Variants in RABGAP1L observed in about 807,000 individuals in gnomAD.
The protein encoded by RABGAP1L is RAB GTPase activating protein 1 like, also known as rab GTPase-activating protein 1-like.
Under a neutral mutation model 137.7 loss-of-function variants are expected in RABGAP1L, and 63 were observed. The observed-to-expected ratio is 0.46, with a 90% CI of 0.37 to 0.56. The LOEUF (loss-of-function observed/expected upper bound fraction) is 0.56. RABGAP1L is among the 20% of genes least tolerant of loss of function. The probability of loss-of-function intolerance (pLI) is 0.00; values close to 1 mark genes in which losing one functional copy is unlikely to be tolerated. For synonymous variants in RABGAP1L, 431 were observed against 433.7 expected (o/e 0.99, Z 0.08); for missense variants, 1,095 against 1,244.0 (o/e 0.88, Z 1.80).
intron 11 of RABGAP1L, among the ~76,000 whole-genome samples, chr1:174,334,251 C>CT (rs1681283441): frequency 6.6e-6 from 1 of 152,156 alleles, no homozygotes; most frequent in African/African-American, 2.4e-5. Flanking sequence ...GGCTTTTAGG[C>CT]TCCAAGTATA....
chr1:174,523,721 A>G (rs1168101456), intron 13 of RABGAP1L, among the ~76,000 whole-genome samples: 2 of 152,156 alleles, frequency 1.3e-5, no homozygotes, highest in African/African-American at 4.8e-5. Flanking sequence ...ATCTAGTGTT[A>G]GAACTTATTT....
chr1:174,332,325 G>A (rs530167635), intron 11 of RABGAP1L, among the ~76,000 whole-genome samples: 1 of 152,034 alleles, frequency 6.6e-6, no homozygotes. Flanking sequence ...AGTTAGTTGA[G>A]GAAGGATTGG....
intron 1 of RABGAP1L, among the ~76,000 whole-genome samples, chr1:174,205,106 T>C (rs1373746219): frequency 1.3e-5 from 2 of 152,232 alleles, no homozygotes; most frequent in Non-Finnish European, 2.9e-5. Context: ...GTCACATTTA[T>C]TGATTTGTGT....
intron 10 of RABGAP1L, among the ~76,000 whole-genome samples, chr1:174,301,349 T>G (rs1022965784): frequency 2.7e-5 from 4 of 149,810 alleles, no homozygotes; most frequent in Non-Finnish European, 4.5e-5. Flanking sequence ...CTGAAAGAGC[T>G]GTTAACACAC....
intron 13 of RABGAP1L, among the ~76,000 whole-genome samples, chr1:174,441,056 A>T (rs1654076730): frequency 6.7e-6 from 1 of 149,202 alleles, no homozygotes; most frequent in South Asian, 2.1e-4. Flanking sequence ...TAAAAGTATT[A>T]TATATATATA....
At chr1:174,249,708 C>T (rs1672564386) in intron 5 of RABGAP1L, among the ~76,000 whole-genome samples, 1 of 149,802 alleles carries the variant, frequency 6.7e-6, no homozygotes, top group African/African-American at 2.5e-5. Context: ...TGCGGTGGTG[C>T]AATGGCTCAC....
intron 13 of RABGAP1L, among the ~76,000 whole-genome samples, chr1:174,438,744 GTA>G (rs71117563): frequency 0.048 from 4,533 of 95,258 alleles, 137 homozygotes; most frequent in Middle Eastern, 0.075. Context: ...GTGTGTGTGT[GTA>G]TATATATATA....
At chr1:174,230,296 T>A (rs1017966112) in intron 3 of RABGAP1L, among the ~76,000 whole-genome samples, 4 of 151,858 alleles carry the variant, frequency 2.6e-5, no homozygotes, top group African/African-American at 9.7e-5. Context: ...TACCTAATGT[T>A]AAATGATGAG....
intron 19 of RABGAP1L, chr1:174,892,945 T>C (rs1656494341): frequency 2.1e-5 from 4 of 186,750 alleles, no homozygotes; most frequent in Non-Finnish European, 3.2e-5. Context: ...AGACAGGGTT[T>C]CACCATATTG....
intron 13 of RABGAP1L, among the ~76,000 whole-genome samples, chr1:174,551,001 T>TAC (rs1232963414): frequency 2.1e-5 from 2 of 95,882 alleles, no homozygotes; most frequent in African/African-American, 1.0e-4. Context: ...TATATACACA[T>TAC]ATATATATAT....
intron 19 of RABGAP1L, among the ~76,000 whole-genome samples, chr1:174,909,176 C>T (rs1659638685): frequency 8.1e-6 from 1 of 122,850 alleles, no homozygotes; most frequent in African/African-American, 2.8e-5. Flanking sequence ...GAGACTCTAT[C>T]TCAAAAAAAA....
intron 13 of RABGAP1L, among the ~76,000 whole-genome samples, chr1:174,588,408 G>A (rs193294684): frequency 4.6e-5 from 7 of 151,406 alleles, no homozygotes; most frequent in East Asian, 3.9e-4. Flanking sequence ...CAGGTGATCC[G>A]CTTGGCTCAG....
intron 19 of RABGAP1L, chr1:174,850,062 G>A: frequency 1.8e-6 from 1 of 544,854 alleles, no homozygotes; most frequent in Non-Finnish European, 3.6e-6. Context: ...GAGGCTGTTG[G>A]TAGAGGGGTG....
intron 19 of RABGAP1L, among the ~76,000 whole-genome samples, chr1:174,957,026 A>G (rs1668608064): frequency 6.6e-6 from 1 of 152,220 alleles, no homozygotes; most frequent in Admixed American, 6.5e-5. Flanking sequence ...ATAGAAGGAT[A>G]TGAGTGAATT....
In RABGAP1L at chr1:174,671,137, T is replaced by G. The variant is rs77121547; in HGVS notation, c.1825-12385T>G. 5.8e-3 allele frequency among the ~76,000 whole-genome samples: 876 copies of G among 152,322 alleles called. 8 individuals are homozygous for G. Among genetic ancestry groups the G allele is most frequent in the African/African-American group, 0.02 (836 of 41,572 alleles). On this transcript the variant is annotated intron_variant, in intron 14 of 25. Coordinates refer to ENST00000681986, the MANE Select transcript of RABGAP1L (RefSeq NM_001366446.1). ...GATTCTTTTTTCAAATAGTTCACCG[T>G]TAGTGCATAGAAATGCTACTAACAC...
intron 19 of RABGAP1L, among the ~76,000 whole-genome samples, chr1:174,952,461 T>C (rs538369599): frequency 6.7e-6 from 1 of 150,368 alleles, no homozygotes; most frequent in South Asian, 2.1e-4. Flanking sequence ...CAGTGTGCTG[T>C]GATTGCGCCA....
At chr1:174,962,981 C>T (rs1403994447) in intron 20 of RABGAP1L, among the ~76,000 whole-genome samples, 1 of 152,042 alleles carries the variant, frequency 6.6e-6, no homozygotes, top group Non-Finnish European at 1.5e-5. Flanking sequence ...AACCTGTAGT[C>T]CCAGCTACTC....
Position 174,994,822 on chromosome 1 carries a change from C to T in RABGAP1L, c.*4821C>T, listed in dbSNP as rs1672274060. ...CCACTTCCTTTCTTTCTAACTCCTA[C>T]CTTTCCCTTGCAGAGGAGGTAGTAG... On this transcript the variant is annotated 3_prime_UTR_variant, in exon 26 of 26. Transcript: ENST00000681986. 1 of 152,216 alleles carries T rather than the reference C, an allele frequency of 6.6e-6. No individual in the cohort carries two copies. The highest frequency in any genetic ancestry group is 2.4e-5 in the African/African-American group (1 of 41,462). 9.4% of individuals were successfully genotyped at this position (152,216 alleles called of 1,614,324 possible).
chr1:174,450,027 TTATTAA>T (rs1455883062), intron 13 of RABGAP1L, among the ~76,000 whole-genome samples: 1 of 152,202 alleles, frequency 6.6e-6, no homozygotes, highest in African/African-American at 2.4e-5. Flanking sequence ...ATCTGGTAGC[TTATTAA>T]ATATTTTTAA....
Sources: gnomAD v4.1 joint callset for allele counts (sites outside exome capture counted in the v4.1 genomes callset) on GRCh38, gnomAD v4.1.1 for gene constraint, MANE v1.5 for transcripts, NCBI Gene and HGNC (gene_info 2026-07-23, HGNC 2026-07-21) for gene names.